MACROD2: variants seen among roughly 807,000 people sequenced by gnomAD.
MACROD2 encodes ADP-ribose glycohydrolase MACROD2.
Under a neutral mutation model 70.4 loss-of-function variants are expected in MACROD2, and 36 were observed. The ratio of observed to expected loss-of-function variants is 0.51; its 90% CI spans 0.39 to 0.68. The LOEUF (loss-of-function observed/expected upper bound fraction) is 0.68, where lower values mean the gene tolerates loss of function less well. Among genes scored for constraint, MACROD2 ranks in the 30% least tolerant of loss-of-function variants. The probability of loss-of-function intolerance (pLI) is 0.00; values close to 1 mark genes in which losing one functional copy is unlikely to be tolerated. For synonymous variants in MACROD2, 172 were observed against 178.8 expected, an observed-to-expected ratio of 0.96 and a Z score of 0.30; for missense variants, 496 against 538.4, an observed-to-expected ratio of 0.92 and a Z score of 0.78.
intron 3 of MACROD2, among the ~76,000 whole-genome samples, chr20:14,236,444 G>A (rs868140636): frequency 2.0e-5 from 3 of 151,140 alleles, no homozygotes; most frequent in Non-Finnish European, 2.9e-5. Context: ...TATACTCTTC[G>A]CTTAATACCT....
chr20:15,581,170 A>G (rs1035213509), intron 8 of MACROD2, among the ~76,000 whole-genome samples: 2 of 152,204 alleles, frequency 1.3e-5, no homozygotes, highest in Non-Finnish European at 2.9e-5. Context: ...AGAGACCTTG[A>G]GGCTTCTTTT....
chr20:15,741,811 A>T (rs2051110449), intron 8 of MACROD2, among the ~76,000 whole-genome samples: 1 of 152,124 alleles, frequency 6.6e-6, no homozygotes, highest in Non-Finnish European at 1.5e-5. Flanking sequence ...AAACTCCAGA[A>T]GATCAGGGGT....
intron 5 of MACROD2, among the ~76,000 whole-genome samples, chr20:14,731,692 A>C (rs1486307639): frequency 6.6e-6 from 1 of 152,136 alleles, no homozygotes; most frequent in Non-Finnish European, 1.5e-5. Context: ...TCATGAGGTC[A>C]ACTCTATTTT....
chr20:15,986,302 T>C (rs947188586), intron 13 of MACROD2, among the ~76,000 whole-genome samples: 4 of 152,230 alleles, frequency 2.6e-5, no homozygotes, highest in African/African-American at 9.6e-5. Flanking sequence ...TTTTATGCTC[T>C]GTTGATGGAA....
chr20:14,459,366 T>C (rs1041351487), intron 3 of MACROD2, among the ~76,000 whole-genome samples: 5 of 152,076 alleles, frequency 3.3e-5, no homozygotes, highest in Middle Eastern at 3.4e-3. Context: ...ATGAGACATA[T>C]ACATGGGTGC....
intron 12 of MACROD2, among the ~76,000 whole-genome samples, chr20:15,957,316 T>G (rs962374747): frequency 6.6e-6 from 1 of 152,182 alleles, no homozygotes; most frequent in Non-Finnish European, 1.5e-5. Context: ...GAATTTGAAT[T>G]TTTTACAAAA....
At chr20:15,488,675 C>T (rs1396575072) in intron 7 of MACROD2, among the ~76,000 whole-genome samples, 1 of 152,186 alleles carries the variant, frequency 6.6e-6, no homozygotes, top group African/African-American at 2.4e-5. Context: ...GAATGCCACC[C>T]ATTCAATAAG....
At chr20:15,665,545 A>G (rs1208543494) in intron 8 of MACROD2, among the ~76,000 whole-genome samples, 1 of 152,212 alleles carries the variant, frequency 6.6e-6, no homozygotes, top group Non-Finnish European at 1.5e-5. Flanking sequence ...GAGGGTCACA[A>G]TAGAAACTAA....
intron 8 of MACROD2, among the ~76,000 whole-genome samples, chr20:15,690,077 T>C (rs917035768): frequency 6.6e-6 from 1 of 152,184 alleles, no homozygotes; most frequent in South Asian, 2.1e-4. Flanking sequence ...GAGGAGCGCA[T>C]GACCAGACTT....
At chr20:14,954,670 A>G (rs1366027639) in intron 5 of MACROD2, among the ~76,000 whole-genome samples, 1 of 128,428 alleles carries the variant, frequency 7.8e-6, no homozygotes, top group Admixed American at 8.7e-5. Context: ...AAATATACAT[A>G]TAATATATTT....
intron 5 of MACROD2, among the ~76,000 whole-genome samples, chr20:14,779,295 A>G (rs1286056945): frequency 6.6e-6 from 1 of 152,140 alleles, no homozygotes; most frequent in African/African-American, 2.4e-5. Flanking sequence ...CACTCTGTGT[A>G]AAAATTCAGA....
At chr20:14,032,448 C>G (rs920490918) in intron 2 of MACROD2, among the ~76,000 whole-genome samples, 1 of 152,112 alleles carries the variant, frequency 6.6e-6, no homozygotes, top group East Asian at 1.9e-4. Context: ...TTTCTCATAA[C>G]TTTGCCAACA....
At chr20:14,448,380 T>C (rs2084207142) in intron 3 of MACROD2, among the ~76,000 whole-genome samples, 1 of 151,954 alleles carries the variant, frequency 6.6e-6, no homozygotes, top group East Asian at 1.9e-4. Context: ...AGTGAATGGA[T>C]TTTTTAAACA....
intron 3 of MACROD2, among the ~76,000 whole-genome samples, chr20:14,301,954 C>A (rs2082478619): frequency 6.6e-6 from 1 of 151,982 alleles, no homozygotes; most frequent in Non-Finnish European, 1.5e-5. Context: ...AAATCTTTTT[C>A]TTATAAAAAT....
intron 5 of MACROD2, among the ~76,000 whole-genome samples, chr20:15,101,264 G>A (rs967807283): frequency 4.6e-5 from 7 of 151,982 alleles, no homozygotes; most frequent in African/African-American, 1.7e-4. Flanking sequence ...TGGAGACTGA[G>A]CCCTTTTTGT....
At chr20:15,071,590 G>T (rs2075619795) in intron 5 of MACROD2, among the ~76,000 whole-genome samples, 2 of 152,130 alleles carry the variant, frequency 1.3e-5, no homozygotes. Context: ...GCATACTAAA[G>T]TACAAATAAA....
chr20:15,245,731 C>T (rs557700415), intron 6 of MACROD2, among the ~76,000 whole-genome samples: 12 of 152,216 alleles, frequency 7.9e-5, no homozygotes, highest in Non-Finnish European at 1.2e-4. Flanking sequence ...TTTTGCTCGA[C>T]GGTTGTCTAA....
chr20:15,771,256 C>G (rs1475703606), intron 8 of MACROD2, among the ~76,000 whole-genome samples: 1 of 152,026 alleles, frequency 6.6e-6, no homozygotes, highest in African/African-American at 2.4e-5. Flanking sequence ...CTCACTGTAG[C>G]CTTTACTTCC....
At chr20:15,501,888 T>C (rs1370023187) in intron 8 of MACROD2, among the ~76,000 whole-genome samples, 2 of 152,222 alleles carry the variant, frequency 1.3e-5, no homozygotes, top group Non-Finnish European at 2.9e-5. Flanking sequence ...TAAGGACTTA[T>C]AAAAGAGTAT....
Sources: gnomAD v4.1 joint callset for allele counts (sites outside exome capture counted in the v4.1 genomes callset) on GRCh38, gnomAD v4.1.1 for gene constraint, MANE v1.5 for transcripts, NCBI Gene and HGNC (gene_info 2026-07-23, HGNC 2026-07-21) for gene names.